VWF: variants seen among roughly 807,000 people sequenced by gnomAD.
The protein encoded by VWF is von Willebrand factor.
Under a neutral mutation model 308.6 loss-of-function variants are expected in VWF, and 176 were observed. The observed-to-expected ratio is 0.57, with a 90% CI of 0.50 to 0.65. The LOEUF (loss-of-function observed/expected upper bound fraction) is 0.65, where lower values mean the gene tolerates loss of function less well. VWF is among the 30% of genes least tolerant of loss of function. The pLI is 0.00. For missense variants in VWF, 3,146 were observed against 3,648.2 expected (o/e 0.86, Z 3.55); for synonymous variants, 1,385 against 1,443.4 (o/e 0.96, Z 0.92).
intron 13 of VWF, among the ~76,000 whole-genome samples, chr12:6,062,642 C>T (rs1386211121): frequency 6.6e-6 from 1 of 152,174 alleles, no homozygotes; most frequent in African/African-American, 2.4e-5. Flanking sequence ...CACCCCTGCT[C>T]CCGGGCCTTG....
At chr12:6,004,249 T>C (rs1281162538) in intron 34 of VWF, among the ~76,000 whole-genome samples, 1 of 152,000 alleles carries the variant, frequency 6.6e-6, no homozygotes, top group Non-Finnish European at 1.5e-5. Context: ...TAACAAAGCA[T>C]AGCCAAGTGG....
At chr12:6,099,752 T>G (rs1471883746) in intron 5 of VWF, among the ~76,000 whole-genome samples, 3 of 151,958 alleles carry the variant, frequency 2.0e-5, no homozygotes, top group African/African-American at 7.3e-5. Flanking sequence ...CAAGATGGAT[T>G]AAAGACTTAA....
chr12:5,951,420 T>C (rs185987333), intron 50 of VWF, among the ~76,000 whole-genome samples: 2 of 152,160 alleles, frequency 1.3e-5, no homozygotes, highest in East Asian at 1.9e-4. Flanking sequence ...TGAATAGATA[T>C]GTGTTGAGAG....
chr12:5,952,608 C>T (rs1050717818), intron 48 of VWF, 89 bp from the exon 49 acceptor site: 49 of 1,521,188 alleles, frequency 3.2e-5, no homozygotes, highest in African/African-American at 2.1e-4. Flanking sequence ...ATGGAGATGA[C>T]GAAACAATCT....
rs986059982 is a variant in VWF at position 6,060,833 on chromosome 12, C to T, written c.1533+2121G>A. On this transcript the variant is annotated intron_variant, in intron 13 of 51. Transcript: ENST00000261405. This position sits in a 1 kb window ranked among gnomAD's most constrained non-coding sequence, Gnocchi z 5.1. ...GGCAGCTGCCCAGGATGAGAAGTTACGGCCCTGCTGATCAAGGGGAGAAAG... is the reference window on the plus strand; with the variant it reads ...GGCAGCTGCCCAGGATGAGAAGTTATGGCCCTGCTGATCAAGGGGAGAAAG... 1.3e-5 allele frequency among the ~76,000 whole-genome samples: 2 copies of T among 152,112 alleles called. No homozygotes were observed. The highest frequency in any genetic ancestry group is 2.4e-5 in the African/African-American group (1 of 41,420).
chr12:6,080,946 A>C (rs1363741278), intron 6 of VWF, among the ~76,000 whole-genome samples: 6 of 152,070 alleles, frequency 3.9e-5, no homozygotes, highest in Non-Finnish European at 5.9e-5. Flanking sequence ...ACAATCATGC[A>C]CACCAGTGGG....
intron 1 of VWF, among the ~76,000 whole-genome samples, chr12:6,123,533 A>T (rs1158228211): frequency 6.6e-6 from 1 of 152,146 alleles, no homozygotes; most frequent in African/African-American, 2.4e-5. Context: ...CTGGGAGCTA[A>T]CACACACCTC....
At chr12:6,116,887 A>T (rs1441328995) in intron 3 of VWF, among the ~76,000 whole-genome samples, 2 of 152,212 alleles carry the variant, frequency 1.3e-5, no homozygotes, top group African/African-American at 4.8e-5. Context: ...ACAGGATGTC[A>T]TTGCAGAACA....
chr12:6,066,822 G>T (rs1350545664), intron 10 of VWF, among the ~76,000 whole-genome samples: 1 of 152,244 alleles, frequency 6.6e-6, no homozygotes, highest in Admixed American at 6.5e-5. Flanking sequence ...CATGTGCCCT[G>T]ACAGGCCCAG....
chr12:6,095,359 C>T (rs1268042984), intron 6 of VWF, 101 bp downstream of exon 6: 2 of 1,573,958 alleles, frequency 1.3e-6, no homozygotes, highest in East Asian at 2.2e-5. Context: ...TGCGTAAGTC[C>T]ATTCCTCCCC....
chr12:6,071,190 G>A (rs1944776037), intron 10 of VWF, 107 bp downstream of exon 10: 1 of 1,363,626 alleles, frequency 7.3e-7, no homozygotes, highest in Non-Finnish European at 1.0e-6. Flanking sequence ...TGCAGAGAGG[G>A]CAACTTCTCG....
At chr12:5,993,062 GCTGGGACTAGGATGCCCAAGTCCT>G (rs1288930216) in intron 37 of VWF, among the ~76,000 whole-genome samples, 1 of 152,182 alleles carries the variant, frequency 6.6e-6, no homozygotes, top group East Asian at 1.9e-4. Flanking sequence ...CACCAGCTGA[GCTGGGACTAGGATGCCCAAGTCCT>G]CCAGACCCAG....
intron 5 of VWF, among the ~76,000 whole-genome samples, chr12:6,098,071 G>A (rs918241620): frequency 6.2e-4 from 94 of 152,310 alleles, no homozygotes; most frequent in African/African-American, 2.2e-3. Flanking sequence ...TCTGAAACGA[G>A]ACATACACTG....
intron 6 of VWF, among the ~76,000 whole-genome samples, chr12:6,093,003 A>G (rs552281261): frequency 1.8e-4 from 27 of 151,416 alleles, no homozygotes; most frequent in African/African-American, 6.3e-4. Flanking sequence ...GCCTGCTTTC[A>G]GTTTCTACCA....
intron 5 of VWF, among the ~76,000 whole-genome samples, chr12:6,108,474 T>C (rs1292151010): frequency 3.3e-5 from 5 of 150,690 alleles, no homozygotes; most frequent in East Asian, 3.9e-4. Flanking sequence ...CAAGAAGTAG[T>C]ACACATACAG....
chr12:6,085,235 C>T (rs1171458526), intron 6 of VWF, among the ~76,000 whole-genome samples: 2 of 152,220 alleles, frequency 1.3e-5, no homozygotes, highest in East Asian at 1.9e-4. Flanking sequence ...GAAAGCAGCC[C>T]TTTCTGAATC....
rs1406083255 is a variant in VWF, at chr12:5,994,176, T to C, written c.6284A>G (p.Asp2095Gly). The change falls in exon 37 of 52, where the codon GAC (aspartate) becomes GGC (glycine). Residue 2095 changes from aspartate (D) to glycine (G), a missense_variant. Transcript: ENST00000261405. Reference sequence around the variant, plus strand: ...GACTGTGCCATCCCTCAGCATGAAGTCATTGGCTCCGTTCTCATCACAGAT... The same window carrying C: ...GACTGTGCCATCCCTCAGCATGAAGCCATTGGCTCCGTTCTCATCACAGAT... ...CGICDENGAN[D>G]FMLRDGTVTT... is the part of the protein sequence containing the mutation. The C allele has an allele frequency of 6.2e-7, 1 of 1,614,068 alleles. No homozygotes were observed. The highest frequency in any genetic ancestry group is 1.1e-5 in the South Asian group (1 of 91,076).
rs1255083736 is a variant in VWF, at chr12:6,024,538, G to A, written c.3223-751C>T. On this transcript the variant is annotated intron_variant, in intron 24 of 51. Transcript: ENST00000261405. The surrounding 1 kb of genome is among the most constrained non-coding windows in gnomAD (Gnocchi z 4.0). ...GTATCCTTTGGAGTCCTCAGAGACC[G>A]AAAATCACTGCATAGATAGAAAGAG... is the stretch of plus-strand genomic sequence containing the variant. 6.6e-6 allele frequency among the ~76,000 whole-genome samples: 1 copy of A among 152,212 alleles called. No individual in the cohort carries two copies. Among genetic ancestry groups the A allele is most frequent in the Non-Finnish European group, 1.5e-5 (1 of 68,034 alleles).
chr12:5,964,226 A>ACATACATACATACATGCATGCATG (rs1943357141), intron 47 of VWF, among the ~76,000 whole-genome samples: 2,296 of 127,624 alleles, frequency 0.018, 83 homozygotes, highest in African/African-American at 0.07. Flanking sequence ...AAAAATACAT[A>ACATACATACATACATGCATGCATG]CATACATACA....
Sources: allele counts gnomAD v4.1 joint callset (sites outside exome capture counted in the v4.1 genomes callset), GRCh38; gene constraint gnomAD v4.1.1; non-coding constraint Gnocchi (gnomAD v3.1); transcripts MANE v1.5; gene names NCBI Gene and HGNC (gene_info 2026-07-23, HGNC 2026-07-21).